DOK2: variants seen among roughly 807,000 people sequenced by gnomAD.
DOK2 encodes the protein docking protein 2, 56kD.
A neutral mutation model predicts 26.0 loss-of-function variants in DOK2; 28 were observed. The observed-to-expected ratio is 1.08, with a 90% CI of 0.80 to 1.48. DOK2 has a LOEUF of 1.48. Ranked by LOEUF, DOK2 falls within the 40% of genes most tolerant of loss-of-function variation. The pLI is 0.00. For synonymous variants in DOK2, 282 were observed against 236.9 expected, an observed-to-expected ratio of 1.19 and a Z score of -1.75; for missense variants, 682 against 558.2, an observed-to-expected ratio of 1.22 and a Z score of -2.23.
In DOK2 at chr8:21,909,295, CCCT is replaced by C; in HGVS notation, c.*13_*15del. The C allele has an allele frequency of 2.0e-6, 3 of 1,521,524 alleles. No individual in the cohort carries two copies. Among genetic ancestry groups the C allele is most frequent in the Non-Finnish European group, 2.6e-6 (3 of 1,135,122 alleles). 94.3% of individuals were successfully genotyped at this position (1,521,524 alleles called of 1,614,324 possible). ...CAGAAGCCAAGGGGCGGTGGACCATCCCTCTGCTGCCTCTGTCACTTTGGGCCT... is the reference window on the plus strand; with the variant it reads ...CAGAAGCCAAGGGGCGGTGGACCATCCTGCTGCCTCTGTCACTTTGGGCCT... On this transcript the variant is annotated 3_prime_UTR_variant, in exon 5 of 5. Transcript: ENST00000276420.
At position 21,909,284 on chromosome 8, in the gene DOK2, C is replaced by A; in HGVS notation, c.*27G>T. 1 of 1,518,786 alleles carries A rather than the reference C, an allele frequency of 6.6e-7. No individual in the cohort carries two copies. The highest frequency in any genetic ancestry group is 1.3e-5 in the South Asian group (1 of 75,104). The allele number at this position is 1,518,786 out of a possible 1,614,324, so 94.1% of individuals were successfully genotyped here. A position where few individuals can be genotyped will look rare whatever the true frequency, so the allele number is the denominator to read the frequency against. On this transcript the variant is annotated 3_prime_UTR_variant, in exon 5 of 5. Transcript: ENST00000276420. ...GGAGTCACCAGCAGAAGCCAAGGGG[C>A]GGTGGACCATCCCTCTGCTGCCTCT... is the stretch of plus-strand genomic sequence containing the variant.
At position 21,909,915 on chromosome 8, in the gene DOK2, T is replaced by G. The variant is rs1372784622; in HGVS notation, c.635A>C (p.Glu212Ala). 1 of 1,609,706 alleles carries G rather than the reference T, an allele frequency of 6.2e-7. No individual in the cohort carries two copies. The highest frequency in any genetic ancestry group is 8.5e-7 in the Non-Finnish European group (1 of 1,179,142). The change falls in exon 5 of 5, where the codon GAG becomes GCG. Residue 212 changes from glutamate (E) to alanine (A), a missense_variant. By Grantham distance (107) the Glu-to-Ala change is moderately radical (BLOSUM62 -1). Coordinates refer to ENST00000276420, the MANE Select transcript of DOK2 (RefSeq NM_003974.4). The stretch of plus-strand genomic sequence containing the variant: ...TCCAGAGACGCAGCGACGGCCTGCC[T>G]CAAAGGAAAAGGTTACCTGGACCAG... ...FGRDKVTFSF[E>A]AGRRCVSGEG... is the part of the protein sequence containing the mutation.
Position 21,912,002 on chromosome 8 carries a change from GC to G in DOK2, c.346-15del, listed in dbSNP as rs569949879. ...CTTCCTCTGCCCCTAGGGAGGAGGC[GC>G]CCCGTCTCATCACCTTCCCCGATCC... On this transcript the variant is annotated splice_polypyrimidine_tract_variant and intron_variant, in intron 2 of 4. Coordinates refer to ENST00000276420, the MANE Select transcript of DOK2 (RefSeq NM_003974.4). 1,092 of 1,544,962 alleles carry G rather than the reference GC, an allele frequency of 7.1e-4. No homozygotes were observed. The highest frequency in any genetic ancestry group is 8.8e-4 in the Non-Finnish European group (1,010 of 1,145,684).
Position 21,910,791 on chromosome 8 carries a change from C to T in DOK2, c.500G>A (p.Arg167Gln), listed in dbSNP as rs982200824. Reference sequence around the variant, plus strand: ...CCCAGCCCGGAGGGTATAGGACCCCCGCAGGTGGCACCTCTCACTGGCTTC... The same window carrying T: ...CCCAGCCCGGAGGGTATAGGACCCCTGCAGGTGGCACCTCTCACTGGCTTC... ...PTEASERCHL[R>Q]GSYTLRAGES... Residue 167 changes from arginine to glutamine, a missense_variant, in exon 4 of 5, where the codon CGG becomes CAG. Transcript: ENST00000276420. The T allele has an allele frequency of 1.4e-5, 22 of 1,613,730 alleles. No individual in the cohort carries two copies. The highest frequency in any genetic ancestry group is 1.6e-4 in the Middle Eastern group (1 of 6,084).
intron 1 of DOK2, 37 bp downstream of exon 1, chr8:21,913,502 G>A: frequency 5.0e-6 from 8 of 1,612,538 alleles, no homozygotes; most frequent in Non-Finnish European, 6.8e-6. Context: ...CAGCCTCCCA[G>A]GCCCCCTGCC....
intron 1 of DOK2, 106 bp downstream of exon 1, chr8:21,913,433 A>G: frequency 7.3e-7 from 1 of 1,363,332 alleles, no homozygotes; most frequent in East Asian, 2.3e-5. Context: ...TGGTGGGTGC[A>G]CAGTCAGACC....
intron 1 of DOK2, among the ~76,000 whole-genome samples, chr8:21,913,308 C>A (rs1439180378): frequency 6.6e-6 from 1 of 152,178 alleles, no homozygotes; most frequent in Non-Finnish European, 1.5e-5. Context: ...CCACCCCCAC[C>A]CAGGGCAAAC....
Position 21,909,088 on chromosome 8 carries a change from G to A in DOK2, c.*223C>T, listed in dbSNP as rs1455339852. 9 of 468,178 alleles carry A rather than the reference G, an allele frequency of 1.9e-5. No homozygotes were observed. The East Asian group carries it at 2.6e-4, about 14-fold the overall frequency. 29.0% of individuals were successfully genotyped at this position (468,178 alleles called of 1,614,324 possible). A position where few individuals can be genotyped will look rare whatever the true frequency, so the allele number is the denominator to read the frequency against. On this transcript the variant is annotated 3_prime_UTR_variant, in exon 5 of 5. Transcript: ENST00000276420. ...CAGCTGGGGAAAGAAAGAGGAGGAA[G>A]TGGAAAAAGAGTAGGAGGAGGGTGG...
At chr8:21,913,438 C>T in intron 1 of DOK2, 101 bp downstream of exon 1, 1 of 1,421,054 alleles carries the variant, frequency 7.0e-7, no homozygotes. Context: ...GGTGCACAGT[C>T]AGACCTATAA....
At chr8:21,911,750 G>A in intron 3 of DOK2, 151 bp downstream of exon 3, 1 of 818,648 alleles carries the variant, frequency 1.2e-6, no homozygotes, top group Non-Finnish European at 1.8e-6. Flanking sequence ...CCGGAAGCGA[G>A]AAGGAGAGGC....
intron 3 of DOK2, 64 bp from the exon 4 acceptor site, chr8:21,910,921 C>T (rs575570215): frequency 1.3e-4 from 189 of 1,495,518 alleles, no homozygotes; most frequent in Non-Finnish European, 9.7e-5. Context: ...TGCCTCACCA[C>T]TGCCCAGTTC....
Position 21,909,609 on chromosome 8 carries a change from A to C in DOK2, c.941T>G (p.Phe314Cys). ...AGGAGGGACTGCCAAGATGCCCCTGAAGTTCTTCCCCAAGGAACGGGCCAC... is the reference window on the plus strand; with the variant it reads ...AGGAGGGACTGCCAAGATGCCCCTGCAGTTCTTCCCCAAGGAACGGGCCAC... ...DAVARSLGKN[F>C]RGILAVPPQL... Residue 314 changes from phenylalanine (F) to cysteine (C), a missense_variant, in exon 5 of 5, where the codon TTC (phenylalanine) becomes TGC (cysteine). Coordinates refer to ENST00000276420, the MANE Select transcript of DOK2 (RefSeq NM_003974.4). The C allele has an allele frequency of 6.2e-7, 1 of 1,613,854 alleles. No homozygotes were observed. Among genetic ancestry groups the C allele is most frequent in the Non-Finnish European group, 8.5e-7 (1 of 1,180,028 alleles).
rs374967168 is a variant in DOK2 at position 21,910,625 on chromosome 8, G to A, written c.618+48C>T. On this transcript the variant is annotated intron_variant, in intron 4 of 4. Coordinates refer to ENST00000276420, the MANE Select transcript of DOK2 (RefSeq NM_003974.4). The stretch of plus-strand genomic sequence containing the variant: ...CGCTGCTTCTCACCCCTCTTTGTTC[G>A]TAGCTTATCCTTTCTCTCAACCTGC... The A allele has an allele frequency of 6.5e-4, 1,047 of 1,606,006 alleles. 6 individuals are homozygous for A. The highest frequency in any genetic ancestry group is 6.9e-4 in the Non-Finnish European group (818 of 1,177,274).
chr8:21,910,554 T>C (rs1809800145), intron 4 of DOK2, 119 bp downstream of exon 4: 3 of 1,298,186 alleles, frequency 2.3e-6, no homozygotes, highest in Middle Eastern at 1.9e-4. Flanking sequence ...TGTCACTCTA[T>C]TCTTTGCTTC....
chr8:21,911,023 G>C, intron 3 of DOK2, 166 bp from the exon 4 acceptor site: 1 of 795,824 alleles, frequency 1.3e-6, no homozygotes, highest in South Asian at 1.9e-5. Context: ...CTCTGTGCCA[G>C]GTCATACTCC....
chr8:21,911,057 C>A, intron 3 of DOK2, 200 bp from the exon 4 acceptor site: 1 of 620,832 alleles, frequency 1.6e-6, no homozygotes, highest in Non-Finnish European at 2.8e-6. Flanking sequence ...TACCTCCACC[C>A]CCTACCCTAG....
In DOK2 at chr8:21,912,209, C is replaced by T. The variant is rs1809876822; in HGVS notation, c.345+20G>A. 1 of 1,428,112 alleles carries T rather than the reference C, an allele frequency of 7.0e-7. No homozygotes were observed. Among genetic ancestry groups the T allele is most frequent in the Non-Finnish European group, 9.5e-7 (1 of 1,050,126 alleles). 88.5% of individuals were successfully genotyped at this position (1,428,112 alleles called of 1,614,324 possible). A position where few individuals can be genotyped will look rare whatever the true frequency, so the allele number is the denominator to read the frequency against. ...CGGCCTGCACGCCCCCTTGCCCTTTCCGCACCCCGCGCGACTCACGGGGAA... is the reference window on the plus strand; with the variant it reads ...CGGCCTGCACGCCCCCTTGCCCTTTTCGCACCCCGCGCGACTCACGGGGAA... On this transcript the variant is annotated intron_variant, in intron 2 of 4. Coordinates refer to ENST00000276420, the MANE Select transcript of DOK2 (RefSeq NM_003974.4).
intron 3 of DOK2, 109 bp from the exon 4 acceptor site, chr8:21,910,966 T>C (rs1334903288): frequency 8.0e-7 from 1 of 1,254,314 alleles, no homozygotes; most frequent in East Asian, 2.5e-5. Flanking sequence ...TAGAAAGTAT[T>C]ATCCACACAC....
intron 4 of DOK2, 109 bp from the exon 5 acceptor site, chr8:21,910,040 G>A: frequency 7.8e-7 from 1 of 1,288,464 alleles, no homozygotes; most frequent in Non-Finnish European, 1.0e-6. Flanking sequence ...GGAGTGCAGT[G>A]GCACAATCTC....
Sources: allele counts gnomAD v4.1 joint callset (sites outside exome capture counted in the v4.1 genomes callset), GRCh38; gene constraint gnomAD v4.1.1; transcripts MANE v1.5; gene names NCBI Gene and HGNC (gene_info 2026-07-23, HGNC 2026-07-21).